TBC1D9B: variants seen among roughly 807,000 people sequenced by gnomAD.
TBC1D9B encodes TBC1 domain family, member 9B (with GRAM domain).
A neutral mutation model predicts 121.1 loss-of-function variants in TBC1D9B; 87 were observed. The ratio of observed to expected loss-of-function variants is 0.72; its 90% CI spans 0.60 to 0.86. TBC1D9B has a LOEUF of 0.86. Ranked by LOEUF, TBC1D9B falls within the 40% of genes least tolerant of loss-of-function variation. The pLI is 0.00. For missense variants in TBC1D9B, 1,540 were observed against 1,628.6 expected, an observed-to-expected ratio of 0.95 and a Z score of 0.94; for synonymous variants, 668 against 670.1, an observed-to-expected ratio of 1.00 and a Z score of 0.05.
chr5:179,875,910 G>C lies in TBC1D9B; in HGVS notation c.1900+10C>G. 6.3e-7 allele frequency: 1 copy of C among 1,596,588 alleles called. No individual in the cohort carries two copies. Among genetic ancestry groups the C allele is most frequent in the Non-Finnish European group, 8.5e-7 (1 of 1,172,484 alleles). On this transcript the variant is annotated intron_variant, in intron 11 of 20. Transcript: ENST00000355235. This position sits in a 1 kb window ranked among gnomAD's most constrained non-coding sequence, Gnocchi z 4.5. ...GAGACCCAGGCGAGGCAGCACCCGGGGACACTCACCCACCACCCTGGTGTT... is the reference window on the plus strand; with the variant it reads ...GAGACCCAGGCGAGGCAGCACCCGGCGACACTCACCCACCACCCTGGTGTT...
chr5:179,870,624 C>T, intron 15 of TBC1D9B, 129 bp from the exon 16 acceptor site: 1 of 1,356,260 alleles, frequency 7.4e-7, no homozygotes, highest in Non-Finnish European at 9.8e-7. Context: ...TAAGCACGGG[C>T]CAGACACTGC....
At chr5:179,883,004 A>G (rs1159783130) in intron 7 of TBC1D9B, among the ~76,000 whole-genome samples, 1 of 152,110 alleles carries the variant, frequency 6.6e-6, no homozygotes, top group African/African-American at 2.4e-5. Context: ...GATTCCAGGC[A>G]TGTGCCACTA....
In TBC1D9B at chr5:179,885,567, T is replaced by G. The variant is rs368377584; in HGVS notation, c.1254+2536A>C. Among the ~76,000 whole-genome samples the G allele has an allele frequency of 2.1e-4, 31 of 150,794 alleles. 1 individual carries two copies. In the East Asian group the frequency reaches 5.5e-3, roughly 27 times the overall value. ...CTGCCCCACTGCACTCCAGCCTAGG[T>G]GACAGAGCAAGACTCTGTCCCCCCC... On this transcript the variant is annotated intron_variant, in intron 7 of 20. Coordinates refer to ENST00000355235, the MANE Select transcript of TBC1D9B (RefSeq NM_015043.4). This position sits in a 1 kb window ranked among gnomAD's most constrained non-coding sequence, Gnocchi z 4.5.
At chr5:179,900,080 C>T (rs987011671) in intron 2 of TBC1D9B, among the ~76,000 whole-genome samples, 2 of 152,012 alleles carry the variant, frequency 1.3e-5, no homozygotes, top group South Asian at 2.1e-4. Flanking sequence ...ATTAGCTGGG[C>T]GTGGTGGCAT....
chr5:179,904,220 C>CTTTTTT lies in TBC1D9B; in HGVS notation c.229+476_229+481dup, dbSNP rs550418299. 9.9e-5 allele frequency among the ~76,000 whole-genome samples: 8 copies of CTTTTTT among 80,908 alleles called. No homozygotes were observed. Among genetic ancestry groups the CTTTTTT allele is most frequent in the African/African-American group, 3.0e-4 (6 of 20,018 alleles). The allele number at this position is 80,908 out of a possible 152,430, so 53.1% of individuals were successfully genotyped here. ...CTGTCCCCATGACCAGTGGAGCTGC[C>CTTTTTT]TTTTTTTTTTTTTTTTTTTTTTGAG... On this transcript the variant is annotated intron_variant, in intron 2 of 20. Coordinates refer to ENST00000355235, the MANE Select transcript of TBC1D9B (RefSeq NM_015043.4). This position sits in a 1 kb window ranked among gnomAD's most constrained non-coding sequence, Gnocchi z 4.2.
At position 179,902,193 on chromosome 5, in the gene TBC1D9B, G is replaced by A. The variant is rs1044017602; in HGVS notation, c.229+2509C>T. 2.1e-4 allele frequency among the ~76,000 whole-genome samples: 32 copies of A among 152,376 alleles called. No individual in the cohort carries two copies. The highest frequency in any genetic ancestry group is 7.2e-4 in the African/African-American group (30 of 41,600). ...GTCCAGAGGAGTAAGGAGGAAGGAT[G>A]GGTCTGTGGAGTCTGGGCAGTTCTC... On this transcript the variant is annotated intron_variant, in intron 2 of 20. Transcript: ENST00000355235. The surrounding 1 kb of genome is among the most constrained non-coding windows in gnomAD (Gnocchi z 4.9).
At chr5:179,867,727 G>A (rs748537347) in intron 18 of TBC1D9B, 51 bp downstream of exon 18, 2 of 1,605,120 alleles carry the variant, frequency 1.2e-6, no homozygotes, top group South Asian at 1.1e-5. Flanking sequence ...GAAGGCGGCG[G>A]TGGCTGCAGA....
Position 179,888,149 on chromosome 5 carries a change from C to T in TBC1D9B, c.1208G>A (p.Gly403Asp), listed in dbSNP as rs1402944667. 6.2e-7 allele frequency: 1 copy of T among 1,613,804 alleles called. No individual in the cohort carries two copies. The highest frequency in any genetic ancestry group is 8.5e-7 in the Non-Finnish European group (1 of 1,179,944). Reference sequence around the variant, plus strand: ...ACTGGCTTTCCTGCTCCCGATACTGCCTGGCTGCTTGGATGGTGTTTTCTG... The same window carrying T: ...ACTGGCTTTCCTGCTCCCGATACTGTCTGGCTGCTTGGATGGTGTTTTCTG... ...FLQKTPSKQP[G>D]SIGSRKASVV... The change falls in exon 7 of 21, where the codon GGC becomes GAC. Residue 403 changes from glycine (G) to aspartate (D), a missense_variant. Transcript: ENST00000355235.
intron 3 of TBC1D9B, among the ~76,000 whole-genome samples, chr5:179,895,807 T>C (rs1044925541): frequency 3.9e-5 from 6 of 152,212 alleles, no homozygotes; most frequent in African/African-American, 1.4e-4. Flanking sequence ...TGGGATCTGT[T>C]CTGATTTCTT....
chr5:179,878,222 C>T (rs1274287487), intron 10 of TBC1D9B, 87 bp downstream of exon 10: 10 of 1,403,392 alleles, frequency 7.1e-6, no homozygotes, highest in African/African-American at 5.7e-5. Context: ...AAGGCAGGGT[C>T]ACCACACAGG....
Position 179,873,136 on chromosome 5 carries a change from GGA to G in TBC1D9B, c.2297_2298del (p.Leu766ProfsTer6). On this transcript the variant is annotated frameshift_variant, in exon 13 of 21. Coordinates refer to ENST00000355235, the MANE Select transcript of TBC1D9B (RefSeq NM_015043.4). LOFTEE classifies it high-confidence loss of function. Reference sequence around the variant, plus strand: ...GTGCTGACCTCATAGGACACTTTCAGGAGCTCAAAGATGTCCACCTCTGCAGG... The same window carrying G: ...GTGCTGACCTCATAGGACACTTTCAGGCTCAAAGATGTCCACCTCTGCAGG... ...DPPAEVDIFELLKVSYEKFSS... is the reference protein window; with the variant it reads ...DPPAEVDIFEXLKVSYEKFSS... 1.2e-6 allele frequency: 2 copies of G among 1,611,828 alleles called. No individual in the cohort carries two copies. Among genetic ancestry groups the G allele is most frequent in the South Asian group, 2.2e-5 (2 of 90,758 alleles).
intron 2 of TBC1D9B, among the ~76,000 whole-genome samples, chr5:179,903,901 C>T (rs958846371): frequency 1.3e-5 from 2 of 152,182 alleles, no homozygotes; most frequent in African/African-American, 2.4e-5. Flanking sequence ...GGCAGAGCGT[C>T]GTCCTGTTCT....
In TBC1D9B at chr5:179,862,581, C is replaced by T. The variant is rs1037474920; in HGVS notation, c.*867G>A. The T allele has an allele frequency of 6.6e-6, 3 of 456,462 alleles. No individual in the cohort carries two copies. Among genetic ancestry groups the T allele is most frequent in the African/African-American group, 6.0e-5 (3 of 50,092 alleles). The allele number at this position is 456,462 out of a possible 1,614,324, so 28.3% of individuals were successfully genotyped here. A position where few individuals can be genotyped will look rare whatever the true frequency, so the allele number is the denominator to read the frequency against. ...GCTTGCACCAGCAGGTTCTGCGTCT[C>T]CATCTGACCTGGCAGACCTTGCACT... On this transcript the variant is annotated 3_prime_UTR_variant, in exon 21 of 21. Transcript: ENST00000355235.
rs1554096313 is a variant in TBC1D9B at position 179,877,679 on chromosome 5, A to AAG, written c.1782+629_1782+630insCT. ...GATTCTATCTCAAAAAAAAAAAAAA[A>AAG]AAAAGAAAAGAAAAGAAAAGAAAAT... On this transcript the variant is annotated intron_variant, in intron 10 of 20. Coordinates refer to ENST00000355235, the MANE Select transcript of TBC1D9B (RefSeq NM_015043.4). 1.6e-3 allele frequency among the ~76,000 whole-genome samples: 240 copies of AAG among 149,820 alleles called. 1 individual carries two copies. The highest frequency in any genetic ancestry group is 5.5e-3 in the African/African-American group (219 of 39,570).
At position 179,902,104 on chromosome 5, in the gene TBC1D9B, C is replaced by A. The variant is rs577466856; in HGVS notation, c.229+2598G>T. Among the ~76,000 whole-genome samples the A allele has an allele frequency of 1.3e-5, 2 of 152,368 alleles. No individual in the cohort carries two copies. The highest frequency in any genetic ancestry group is 4.8e-5 in the African/African-American group (2 of 41,594). The stretch of plus-strand genomic sequence containing the variant: ...CCTGGGTGCCTGGCTGCAGAGCCTG[C>A]CCTCACCCTCGGAAGCTCCCGGCCT... On this transcript the variant is annotated intron_variant, in intron 2 of 20. Transcript: ENST00000355235. The surrounding 1 kb of genome is among the most constrained non-coding windows in gnomAD (Gnocchi z 4.9).
chr5:179,881,054 T>C (rs529467095), intron 7 of TBC1D9B, among the ~76,000 whole-genome samples: 1 of 151,808 alleles, frequency 6.6e-6, no homozygotes, highest in African/African-American at 2.4e-5. Context: ...CGTGTGCTCC[T>C]GGCCAGGGAA....
At chr5:179,870,714 T>G in intron 15 of TBC1D9B, 1 of 683,428 alleles carries the variant, frequency 1.5e-6, no homozygotes. Context: ...GACAGAGTCC[T>G]TGGCAGCCTG....
rs1760449624 is a variant in TBC1D9B at position 179,879,057 on chromosome 5, G to A, written c.1557C>T (p.Leu519=). The change falls in exon 9 of 21, where the codon CTC becomes CTT. Residue 519 remains leucine (L), a synonymous_variant. Coordinates refer to ENST00000355235, the MANE Select transcript of TBC1D9B (RefSeq NM_015043.4). ...IPESLRGELW[L]LFSGAWNEMV... ...CTGCACCCCACTCACCGGAGAAGAG[G>A]AGCCACAGCTCTCCCCGGAGGCTCT... is the stretch of plus-strand genomic sequence containing the variant. 1.9e-6 allele frequency: 3 copies of A among 1,602,872 alleles called. 1 individual carries two copies. The South Asian group carries it at 3.3e-5, about 18-fold the overall frequency.
intron 14 of TBC1D9B, 44 bp downstream of exon 14, chr5:179,872,848 G>GCCCCCCCCCCCCCCCCCCCCCCCCC: frequency 2.1e-6 from 3 of 1,457,242 alleles, no homozygotes; most frequent in East Asian, 2.4e-5. Context: ...AGGCACTGCT[G>GCCCCCCCCCCCCCCCCCCCCCCCCC]CCCCCCCAGC....
Sources: allele counts gnomAD v4.1 joint callset (sites outside exome capture counted in the v4.1 genomes callset), GRCh38; gene constraint gnomAD v4.1.1; non-coding constraint Gnocchi (gnomAD v3.1); transcripts MANE v1.5; gene names NCBI Gene and HGNC (gene_info 2026-07-23, HGNC 2026-07-21).